The following UBXN2A variants were observed in gnomAD, a reference collection of about 807,000 sequenced individuals.
UBXN2A encodes the protein UBX domain-containing protein 2A.
A neutral mutation model predicts 28.4 loss-of-function variants in UBXN2A; 28 were observed. That is an observed-to-expected ratio of 0.99 (90% CI 0.73 to 1.35). The LOEUF (loss-of-function observed/expected upper bound fraction) is 1.35. Among genes scored for constraint, UBXN2A ranks in the 40% most tolerant of loss-of-function variants. The probability of loss-of-function intolerance (pLI) is 0.00; values close to 1 mark genes in which losing one functional copy is unlikely to be tolerated. For synonymous variants in UBXN2A, 97 were observed against 103.6 expected, an observed-to-expected ratio of 0.94 and a Z score of 0.39; for missense variants, 253 against 297.9, an observed-to-expected ratio of 0.85 and a Z score of 1.11.
chr2:23,945,540 C>G (rs916755030), intron 1 of UBXN2A, among the ~76,000 whole-genome samples: 3 of 152,078 alleles, frequency 2.0e-5, no homozygotes, highest in Admixed American at 1.3e-4. Flanking sequence ...AAAAGGAACC[C>G]AACATGGAAA....
At position 23,944,327 on chromosome 2, in the gene UBXN2A, A is replaced by G. The variant is rs1368001281; in HGVS notation, c.-15+3679A>G. 8 of 1,592,490 alleles carry G rather than the reference A, an allele frequency of 5.0e-6. No homozygotes were observed. The South Asian group carries it at 8.8e-5, about 18-fold the overall frequency. ...TGGTTGTCCTGGTTCTTACTGTGTTATTTGTAGGGCTGGCAGCTGTGTGAA... is the reference window on the plus strand; with the variant it reads ...TGGTTGTCCTGGTTCTTACTGTGTTGTTTGTAGGGCTGGCAGCTGTGTGAA... On this transcript the variant is annotated intron_variant, in intron 1 of 6. Coordinates refer to ENST00000309033, the MANE Select transcript of UBXN2A (RefSeq NM_181713.4).
chr2:23,941,630 T>A (rs1705761840), intron 1 of UBXN2A, among the ~76,000 whole-genome samples: 1 of 152,222 alleles, frequency 6.6e-6, no homozygotes, highest in Non-Finnish European at 1.5e-5. Context: ...AATTTAATAA[T>A]GTATAATAAT....
intron 2 of UBXN2A, among the ~76,000 whole-genome samples, chr2:23,970,305 AC>A (rs1229544590): frequency 6.6e-6 from 1 of 152,128 alleles, no homozygotes; most frequent in Non-Finnish European, 1.5e-5. Context: ...AAAAAACAGA[AC>A]AAAAACACCA....
intron 1 of UBXN2A, among the ~76,000 whole-genome samples, chr2:23,942,796 G>C (rs1439986304): frequency 6.6e-6 from 1 of 151,774 alleles, no homozygotes; most frequent in Non-Finnish European, 1.5e-5. Context: ...AACTTTTATA[G>C]AAAACTTTTC....
chr2:23,958,728 T>C (rs1706760720), intron 2 of UBXN2A, among the ~76,000 whole-genome samples: 1 of 152,240 alleles, frequency 6.6e-6, no homozygotes, highest in Admixed American at 6.5e-5. Context: ...CTGCCTTCTA[T>C]TATCTCTCTG....
rs1708762395 is a variant in UBXN2A at position 24,004,198 on chromosome 2, G to A, written c.*4331G>A. 6.7e-6 allele frequency: 1 copy of A among 149,804 alleles called. No homozygotes were observed. The allele number at this position is 149,804 out of a possible 1,614,324, so 9.3% of individuals were successfully genotyped here. A position where few individuals can be genotyped will look rare whatever the true frequency, so the allele number is the denominator to read the frequency against. ...AAAGTTGTAAAATTGTTAGTTAAAT[G>A]TGTATAATTATCAAAAGAGGTTGAC... On this transcript the variant is annotated 3_prime_UTR_variant, in exon 7 of 7. Coordinates refer to ENST00000309033, the MANE Select transcript of UBXN2A (RefSeq NM_181713.4).
rs1708671426 is a variant in UBXN2A at position 23,999,765 on chromosome 2, GCT to G, written c.679_680del (p.Leu227ArgfsTer2). On this transcript the variant is annotated frameshift_variant, in exon 7 of 7. Coordinates refer to ENST00000309033, the MANE Select transcript of UBXN2A (RefSeq NM_181713.4). LOFTEE classifies it high-confidence loss of function. ...CAACAGCTCTTCCTGTCCTCAGGTT[GCT>G]AGATGAGACACTCACACTGGAAGAA... ...LATALPVLRL[L>X]DETLTLEEAD... 4.3e-6 allele frequency: 7 copies of G among 1,614,038 alleles called. No homozygotes were observed. Among genetic ancestry groups the G allele is most frequent in the Non-Finnish European group, 5.9e-6 (7 of 1,180,030 alleles).
At chr2:23,938,553 CCCTTT>C (rs1705606436), upstream of UBXN2A, among the ~76,000 whole-genome samples, 2 of 104,716 alleles carry the variant, frequency 1.9e-5, no homozygotes, top group Non-Finnish European at 4.3e-5. Flanking sequence ...GCCCCCCCCT[CCCTTT>C]TTTTTTTTTT....
chr2:23,982,760 A>G, intron 4 of UBXN2A, 136 bp from the exon 5 acceptor site: 1 of 909,522 alleles, frequency 1.1e-6, no homozygotes, highest in South Asian at 3.8e-5. Flanking sequence ...TTTTGAATAC[A>G]TTTAGTTATT....
At chr2:23,971,249 G>T in intron 2 of UBXN2A, 27 bp from the exon 3 acceptor site, 11 of 1,513,684 alleles carry the variant, frequency 7.3e-6, no homozygotes, top group Non-Finnish European at 8.9e-6. Flanking sequence ...ATAGTTAATA[G>T]TGCCTGTTTT....
chr2:23,938,183 CG>C (rs145937565), upstream of UBXN2A, among the ~76,000 whole-genome samples: 3,387 of 152,060 alleles, frequency 0.022, 131 homozygotes, highest in African/African-American at 0.077. Flanking sequence ...ATCAATACTC[CG>C]GCTGGGTGTG....
rs187724938 is a variant in UBXN2A at position 23,952,455 on chromosome 2, A to C, written c.-14-5846A>C. 1.3e-4 allele frequency among the ~76,000 whole-genome samples: 19 copies of C among 149,678 alleles called. 1 individual carries two copies. The highest frequency in any genetic ancestry group is 7.3e-4 in the Admixed American group (11 of 15,042). ...ATTTATTTTTTATTTTTATTTATTT[A>C]TTTTTTTGAGACAGAGTCTTTCCCT... On this transcript the variant is annotated intron_variant, in intron 1 of 6. Transcript: ENST00000309033.
At chr2:23,968,733 A>G (rs1459487687) in intron 2 of UBXN2A, among the ~76,000 whole-genome samples, 3 of 151,656 alleles carry the variant, frequency 2.0e-5, no homozygotes, top group Admixed American at 1.3e-4. Flanking sequence ...AGAGGTATAA[A>G]AGTATGATTT....
At chr2:23,947,402 G>A (rs953214116) in intron 1 of UBXN2A, among the ~76,000 whole-genome samples, 9 of 152,284 alleles carry the variant, frequency 5.9e-5, no homozygotes, top group African/African-American at 1.9e-4. Flanking sequence ...GAAGTAGACC[G>A]AAGAAAAATG....
intron 2 of UBXN2A, among the ~76,000 whole-genome samples, chr2:23,958,598 G>A (rs938931683): frequency 6.6e-6 from 1 of 152,100 alleles, no homozygotes; most frequent in African/African-American, 2.4e-5. Flanking sequence ...CATTACTTCT[G>A]TTATTTGATA....
At chr2:23,989,535 G>A (rs1360065443) in intron 6 of UBXN2A, among the ~76,000 whole-genome samples, 1 of 151,566 alleles carries the variant, frequency 6.6e-6, no homozygotes, top group Non-Finnish European at 1.5e-5. Flanking sequence ...TTACAGGCAT[G>A]AGCCACCACA....
chr2:23,935,449 CA>C (rs942513959), intron 1 of UBXN2A, among the ~76,000 whole-genome samples: 2 of 151,504 alleles, frequency 1.3e-5, no homozygotes, highest in East Asian at 3.9e-4. Flanking sequence ...GGCGTTTCTC[CA>C]AAAAAAATAT....
In UBXN2A at chr2:23,971,366, T is replaced by G. The variant is rs747445086; in HGVS notation, c.132T>G (p.Ala44=). The change falls in exon 3 of 7, where the codon GCT becomes GCG. Residue 44 remains alanine, a synonymous_variant. Transcript: ENST00000309033. ...EYFVDSLFEE[A]QKVSSKCVSP... is the part of the protein sequence containing the mutation. ...TTGTTGATAGCCTTTTTGAGGAAGCTCAGAAGGTTAGTTCCAAATGTGTGT... is the reference window on the plus strand; with the variant it reads ...TTGTTGATAGCCTTTTTGAGGAAGCGCAGAAGGTTAGTTCCAAATGTGTGT... 3 of 1,577,072 alleles carry G rather than the reference T, an allele frequency of 1.9e-6. No individual in the cohort carries two copies. Among genetic ancestry groups the G allele is most frequent in the Non-Finnish European group, 2.6e-6 (3 of 1,152,848 alleles).
At chr2:23,990,876 C>T (rs984623596) in intron 6 of UBXN2A, among the ~76,000 whole-genome samples, 1 of 152,086 alleles carries the variant, frequency 6.6e-6, no homozygotes, top group African/African-American at 2.4e-5. Flanking sequence ...CACTATGATT[C>T]CATTCATGTC....
Sources: allele counts gnomAD v4.1 joint callset (sites outside exome capture counted in the v4.1 genomes callset), GRCh38; gene constraint gnomAD v4.1.1; transcripts MANE v1.5; gene names NCBI Gene and HGNC (gene_info 2026-07-23, HGNC 2026-07-21).